Variants in CALN1 observed in about 807,000 individuals in gnomAD.
CALN1 encodes calcium-binding protein 8.
In CALN1, 17 loss-of-function variants were observed where a neutral mutation model predicts 30.6. The observed-to-expected ratio is 0.56, with a 90% CI of 0.38 to 0.83. The LOEUF is 0.83. CALN1 is among the 40% of genes least tolerant of loss of function. CALN1 has a pLI of 0.00. For synonymous variants in CALN1, 156 were observed against 131.4 expected, an observed-to-expected ratio of 1.19 and a Z score of -1.28; for missense variants, 291 against 354.9, an observed-to-expected ratio of 0.82 and a Z score of 1.45.
intron 1 of CALN1, among the ~76,000 whole-genome samples, chr7:72,425,144 C>T (rs1446041364): frequency 6.6e-6 from 1 of 152,104 alleles, no homozygotes; most frequent in Non-Finnish European, 1.5e-5. Context: ...GACAGAGTCT[C>T]ACTCTGTTGC....
At chr7:71,928,816 G>C (rs187703270) in intron 5 of CALN1, among the ~76,000 whole-genome samples, 5 of 152,008 alleles carry the variant, frequency 3.3e-5, no homozygotes, top group Admixed American at 2.0e-4. Context: ...CAGATCACTT[G>C]AGGTCAGGAG....
chr7:71,805,443 A>T (rs916585141), intron 6 of CALN1, among the ~76,000 whole-genome samples: 1 of 152,156 alleles, frequency 6.6e-6, no homozygotes, highest in South Asian at 2.1e-4. Flanking sequence ...AAAGAATTTC[A>T]TCACTTGGAA....
chr7:72,238,813 C>T (rs192829129), intron 3 of CALN1, among the ~76,000 whole-genome samples: 10 of 152,286 alleles, frequency 6.6e-5, no homozygotes, highest in Admixed American at 3.3e-4. Context: ...TCAATTAAAC[C>T]TCTTTCCTTT....
intron 4 of CALN1, among the ~76,000 whole-genome samples, chr7:72,056,995 C>T (rs1320709213): frequency 6.6e-6 from 1 of 152,078 alleles, no homozygotes; most frequent in Non-Finnish European, 1.5e-5. Flanking sequence ...GGCCGGAGTG[C>T]AGCGGCATGA....
intron 3 of CALN1, among the ~76,000 whole-genome samples, chr7:72,107,107 A>T (rs1167697794): frequency 1.3e-5 from 2 of 152,134 alleles, no homozygotes; most frequent in Non-Finnish European, 2.9e-5. Flanking sequence ...GAGGCACACA[A>T]TTAGATGGTG....
At chr7:72,406,961 G>A (rs1277880369) in intron 1 of CALN1, among the ~76,000 whole-genome samples, 1 of 152,012 alleles carries the variant, frequency 6.6e-6, no homozygotes, top group South Asian at 2.1e-4. Context: ...ACTTCCTTTA[G>A]CACTGAAAAT....
chr7:72,251,198 C>T (rs1386321107), intron 3 of CALN1, among the ~76,000 whole-genome samples: 5 of 152,178 alleles, frequency 3.3e-5, no homozygotes, highest in Non-Finnish European at 7.3e-5. Context: ...GTGCCCACCT[C>T]TCACCTTCCA....
chr7:72,256,841 A>T (rs1401657287), intron 3 of CALN1, among the ~76,000 whole-genome samples: 1 of 151,670 alleles, frequency 6.6e-6, no homozygotes, highest in Non-Finnish European at 1.5e-5. Context: ...CTATTCCCTT[A>T]CTCCTTCCCT....
At chr7:71,917,690 A>T (rs1282921933) in intron 5 of CALN1, among the ~76,000 whole-genome samples, 1 of 152,132 alleles carries the variant, frequency 6.6e-6, no homozygotes, top group African/African-American at 2.4e-5. Context: ...TTAAAAAACC[A>T]TCAGATCATG....
At chr7:72,181,501 G>GAAAC (rs1554308951) in intron 3 of CALN1, among the ~76,000 whole-genome samples, 2 of 147,382 alleles carry the variant, frequency 1.4e-5, no homozygotes, top group Non-Finnish European at 3.0e-5. Context: ...TTTTTTTTTT[G>GAAAC]AGAGTCTTGC....
At chr7:72,025,676 G>A (rs1161766606) in intron 4 of CALN1, among the ~76,000 whole-genome samples, 1 of 152,130 alleles carries the variant, frequency 6.6e-6, no homozygotes, top group Non-Finnish European at 1.5e-5. Context: ...CTGCTCAAAA[G>A]GGCAACTCCA....
At chr7:72,399,493 T>G (rs2129561925) in intron 2 of CALN1, among the ~76,000 whole-genome samples, 1 of 152,024 alleles carries the variant, frequency 6.6e-6, no homozygotes, top group South Asian at 2.1e-4. Flanking sequence ...ATGGTCTCGA[T>G]CTCTTGACCT....
At chr7:71,805,544 T>C (rs1426491421) in intron 6 of CALN1, among the ~76,000 whole-genome samples, 2 of 152,180 alleles carry the variant, frequency 1.3e-5, no homozygotes, top group Non-Finnish European at 2.9e-5. Context: ...GTCAGGGATC[T>C]GAGATTGAAC....
intron 5 of CALN1, among the ~76,000 whole-genome samples, chr7:71,964,869 T>C (rs1024525637): frequency 3.9e-5 from 6 of 152,182 alleles, no homozygotes; most frequent in African/African-American, 1.4e-4. Flanking sequence ...TGTAATGTTC[T>C]ATCAGTCCAT....
At chr7:72,084,385 AATT>A (rs1805346406) in intron 4 of CALN1, among the ~76,000 whole-genome samples, 1 of 124,736 alleles carries the variant, frequency 8.0e-6, no homozygotes, top group Non-Finnish European at 1.6e-5. Flanking sequence ...AATGTAGTAA[AATT>A]TTTTTTTTTT....
chr7:72,255,857 A>C (rs1048768480), intron 3 of CALN1, among the ~76,000 whole-genome samples: 1 of 151,728 alleles, frequency 6.6e-6, no homozygotes, highest in Admixed American at 6.6e-5. Context: ...CAGCCTCCTG[A>C]GTAGCTGCGA....
intron 5 of CALN1, among the ~76,000 whole-genome samples, chr7:71,922,558 ATT>A (rs1474025081): frequency 3.2e-3 from 253 of 79,614 alleles, no homozygotes; most frequent in African/African-American, 4.5e-3. Context: ...TAACACACAG[ATT>A]ATATATAAAT....
In CALN1 at chr7:71,908,264, G is replaced by C. The variant is rs1289203608; in HGVS notation, c.502-97772C>G. 2.6e-5 allele frequency among the ~76,000 whole-genome samples: 4 copies of C among 152,170 alleles called. No individual in the cohort carries two copies. In the East Asian group the frequency reaches 7.7e-4, roughly 29 times the overall value. On this transcript the variant is annotated intron_variant, in intron 5 of 6. Transcript: ENST00000395275. Reference sequence around the variant, plus strand: ...CCCAAAAATCTGAACTCCTGGTATTGCAAAACTTGAATTTTCCCCTATGCT... The same window carrying C: ...CCCAAAAATCTGAACTCCTGGTATTCCAAAACTTGAATTTTCCCCTATGCT...
In CALN1 at chr7:71,991,369, G is replaced by T. The variant is rs947776929; in HGVS notation, c.501+32288C>A. ...AGCTACTCGGGAGGCTGTGACAGGAGAATCACTTGAACCCAGGAGGCAGAG... is the reference window on the plus strand; with the variant it reads ...AGCTACTCGGGAGGCTGTGACAGGATAATCACTTGAACCCAGGAGGCAGAG... On this transcript the variant is annotated intron_variant, in intron 5 of 6. Coordinates refer to ENST00000395275, the MANE Select transcript of CALN1 (RefSeq NM_031468.4). Among the ~76,000 whole-genome samples, 3 of 151,904 alleles carry T rather than the reference G, an allele frequency of 2.0e-5. No homozygotes were observed. The South Asian group carries it at 6.2e-4, about 32-fold the overall frequency.
Sources: gnomAD v4.1 joint callset for allele counts (sites outside exome capture counted in the v4.1 genomes callset) on GRCh38, gnomAD v4.1.1 for gene constraint, MANE v1.5 for transcripts, NCBI Gene and HGNC (gene_info 2026-07-23, HGNC 2026-07-21) for gene names.